Variants in PPTC7 observed in about 807,000 individuals in gnomAD.
The protein encoded by PPTC7 is protein phosphatase targeting COQ7, also known as protein phosphatase PTC7 homolog.
In PPTC7, 6 loss-of-function variants were observed where a neutral mutation model predicts 30.8. The ratio of observed to expected loss-of-function variants is 0.19; its 90% CI spans 0.11 to 0.38. The LOEUF is 0.38. Ranked by LOEUF, PPTC7 falls within the 10% of genes least tolerant of loss-of-function variation. The probability of loss-of-function intolerance (pLI) is 1.00; values close to 1 mark genes in which losing one functional copy is unlikely to be tolerated. For missense variants in PPTC7, 218 were observed against 404.8 expected (o/e 0.54, Z 3.96); for synonymous variants, 163 against 168.1 (o/e 0.97, Z 0.23).
chr12:110,543,712 G>C (rs1489523287), intron 3 of PPTC7, among the ~76,000 whole-genome samples: 3 of 152,184 alleles, frequency 2.0e-5, no homozygotes, highest in Non-Finnish European at 4.4e-5. Context: ...CATGAGCTTG[G>C]TGTTCTGCCA....
At chr12:110,561,947 A>G (rs2064441263) in intron 1 of PPTC7, among the ~76,000 whole-genome samples, 2 of 152,070 alleles carry the variant, frequency 1.3e-5, no homozygotes, top group Non-Finnish European at 2.9e-5. Context: ...CCTCAAAAAA[A>G]ACCCCAACAA....
chr12:110,536,965 G>T lies in PPTC7; in HGVS notation c.*72C>A. On this transcript the variant is annotated 3_prime_UTR_variant, in exon 6 of 6. Transcript: ENST00000354300. ...ATCAGTGGCAAAGAAATGTGGTCCT[G>T]CCAGCAGGATCAGCACACATGGCAG... 8.5e-7 allele frequency: 1 copy of T among 1,170,022 alleles called. No homozygotes were observed. The highest frequency in any genetic ancestry group is 1.3e-6 in the Non-Finnish European group (1 of 780,626). 72.5% of individuals were successfully genotyped at this position (1,170,022 alleles called of 1,614,324 possible). A position where few individuals can be genotyped will look rare whatever the true frequency, so the allele number is the denominator to read the frequency against.
At chr12:110,555,360 T>A (rs1044000417) in intron 1 of PPTC7, among the ~76,000 whole-genome samples, 5 of 152,158 alleles carry the variant, frequency 3.3e-5, no homozygotes, top group African/African-American at 1.2e-4. Context: ...TTTCAAAATA[T>A]TTAAGGGGTT....
chr12:110,541,478 C>T (rs557951089), intron 3 of PPTC7, among the ~76,000 whole-genome samples: 5 of 150,502 alleles, frequency 3.3e-5, no homozygotes, highest in Middle Eastern at 3.5e-3. Flanking sequence ...GAGGCCAAGG[C>T]GGGCGGATCA....
chr12:110,583,062 G>A lies in PPTC7; in HGVS notation c.-31C>T, dbSNP rs575362760. Reference sequence around the variant, plus strand: ...CCGCCGCCCCCCCGAGGAGGCGGGGGGCCGGGGGAGCAGGAGGACGCGGAG... The same window carrying A: ...CCGCCGCCCCCCCGAGGAGGCGGGGAGCCGGGGGAGCAGGAGGACGCGGAG... On this transcript the variant is annotated 5_prime_UTR_variant, in exon 1 of 6. Coordinates refer to ENST00000354300, the MANE Select transcript of PPTC7 (RefSeq NM_139283.2). 4 of 1,363,680 alleles carry A rather than the reference G, an allele frequency of 2.9e-6. No homozygotes were observed. The highest frequency in any genetic ancestry group is 3.5e-5 in the South Asian group (2 of 57,260). 84.5% of individuals were successfully genotyped at this position (1,363,680 alleles called of 1,614,324 possible).
intron 2 of PPTC7, among the ~76,000 whole-genome samples, chr12:110,549,098 A>G (rs966968749): frequency 7.2e-5 from 11 of 152,200 alleles, no homozygotes; most frequent in Admixed American, 7.2e-4. Flanking sequence ...TTTATCACCC[A>G]GCTCCTTATT....
In PPTC7 at chr12:110,551,897, G is replaced by T. The variant is rs375709891; in HGVS notation, c.295C>A (p.Arg99=). 2.5e-6 allele frequency: 4 copies of T among 1,613,820 alleles called. No homozygotes were observed. The East Asian group carries it at 6.7e-5, about 27-fold the overall frequency. The stretch of plus-strand genomic sequence containing the variant: ...TCTTTTACTAAACGTTCACACGTCC[G>T]CATTAAAGTCCCTGAGAATTGAGAT... ...DPSQFSGTLM[R]TCERLVKEGR... The change falls in exon 2 of 6, where the codon CGG becomes AGG. Residue 99 remains arginine, a synonymous_variant. Transcript: ENST00000354300.
rs540709691 is a variant in PPTC7 at position 110,576,280 on chromosome 12, T to C, written c.223+6529A>G. ...TATTTTCCCTTATATAAAATAATTA[T>C]ATGTATATTAATATTATATAGCTAC... On this transcript the variant is annotated intron_variant, in intron 1 of 5. Transcript: ENST00000354300. Among the ~76,000 whole-genome samples, 10 of 151,920 alleles carry C rather than the reference T, an allele frequency of 6.6e-5. No individual in the cohort carries two copies. The East Asian group carries it at 1.5e-3, about 23-fold the overall frequency.
intron 2 of PPTC7, among the ~76,000 whole-genome samples, chr12:110,548,069 T>G (rs1270580645): frequency 6.6e-6 from 1 of 150,408 alleles, no homozygotes; most frequent in Non-Finnish European, 1.5e-5. Flanking sequence ...ATTGCACCAC[T>G]GCACTCTAGC....
At chr12:110,546,245 C>G in intron 2 of PPTC7, 167 bp from the exon 3 acceptor site, 1 of 616,166 alleles carries the variant, frequency 1.6e-6, no homozygotes, top group Non-Finnish European at 2.9e-6. Context: ...CAATAAAATC[C>G]TGATCAGGGT....
chr12:110,540,105 C>A (rs2064246376), intron 3 of PPTC7, among the ~76,000 whole-genome samples, 160 bp from the exon 4 acceptor site: 1 of 152,096 alleles, frequency 6.6e-6, no homozygotes, highest in African/African-American at 2.4e-5. Flanking sequence ...CTGAAATTCC[C>A]AACTCTGAAA....
intron 1 of PPTC7, among the ~76,000 whole-genome samples, chr12:110,555,084 C>T (rs2064375736): frequency 6.6e-6 from 1 of 152,062 alleles, no homozygotes; most frequent in African/African-American, 2.4e-5. Context: ...TAGCAGAGTG[C>T]CTATATATAC....
At position 110,540,315 on chromosome 12, in the gene PPTC7, C is replaced by A. The variant is rs1032928072; in HGVS notation, c.603-370G>T. ...TTCTTTACAGCCGAATTCCATCCCC[C>A]CCCGCCTTTTTTTTTTTTTTTTTTG... On this transcript the variant is annotated intron_variant, in intron 3 of 5. Transcript: ENST00000354300. 1.1e-4 allele frequency among the ~76,000 whole-genome samples: 15 copies of A among 133,456 alleles called. 1 individual carries two copies. The highest frequency in any genetic ancestry group is 4.0e-4 in the African/African-American group (15 of 37,138). The allele number at this position is 133,456 out of a possible 152,430, so 87.6% of individuals were successfully genotyped here.
intron 1 of PPTC7, among the ~76,000 whole-genome samples, chr12:110,577,166 C>A (rs367954869): frequency 0.024 from 1,890 of 80,396 alleles, no homozygotes; most frequent in African/African-American, 0.038. Flanking sequence ...GACTCTGTCT[C>A]AAAAAAAAAA....
intron 1 of PPTC7, among the ~76,000 whole-genome samples, chr12:110,553,857 T>G (rs1431106275): frequency 6.6e-6 from 1 of 152,190 alleles, no homozygotes; most frequent in Non-Finnish European, 1.5e-5. Flanking sequence ...CTCACCTTTC[T>G]TTATTTACCT....
At chr12:110,555,212 G>C (rs1355473461) in intron 1 of PPTC7, among the ~76,000 whole-genome samples, 1 of 152,220 alleles carries the variant, frequency 6.6e-6, no homozygotes, top group Non-Finnish European at 1.5e-5. Flanking sequence ...AGAATTGGAA[G>C]ACATAAAGAA....
intron 1 of PPTC7, among the ~76,000 whole-genome samples, chr12:110,571,663 G>A (rs1384296217): frequency 6.6e-6 from 1 of 152,188 alleles, no homozygotes; most frequent in East Asian, 1.9e-4. Context: ...TATCACAGGT[G>A]TGTATGAATG....
intron 1 of PPTC7, among the ~76,000 whole-genome samples, chr12:110,564,871 T>C (rs1340138062): frequency 6.7e-6 from 1 of 149,876 alleles, no homozygotes; most frequent in Admixed American, 6.7e-5. Flanking sequence ...TATGTGTATA[T>C]ATACATTGTT....
chr12:110,573,446 C>A (rs2064556753), intron 1 of PPTC7, among the ~76,000 whole-genome samples: 1 of 152,148 alleles, frequency 6.6e-6, no homozygotes, highest in Non-Finnish European at 1.5e-5. Flanking sequence ...TGGAGTCACA[C>A]ACTATTAAAA....
Sources: gnomAD v4.1 joint callset for allele counts (sites outside exome capture counted in the v4.1 genomes callset) on GRCh38, gnomAD v4.1.1 for gene constraint, MANE v1.5 for transcripts, NCBI Gene and HGNC (gene_info 2026-07-23, HGNC 2026-07-21) for gene names.